FAM184A: variants seen among roughly 807,000 people sequenced by gnomAD.
FAM184A encodes family with sequence similarity 184 member A, also known as protein FAM184A.
Under a neutral mutation model 143.8 loss-of-function variants are expected in FAM184A, and 99 were observed. The ratio of observed to expected loss-of-function variants is 0.69; its 90% CI spans 0.58 to 0.81. FAM184A has a LOEUF of 0.81. FAM184A is among the 40% of genes least tolerant of loss of function. The probability of loss-of-function intolerance (pLI) is 0.00; values close to 1 mark genes in which losing one functional copy is unlikely to be tolerated. For missense variants in FAM184A, 1,217 were observed against 1,310.5 expected, an observed-to-expected ratio of 0.93 and a Z score of 1.10; for synonymous variants, 427 against 446.4, an observed-to-expected ratio of 0.96 and a Z score of 0.55.
At chr6:119,101,551 G>A (rs750883588) in intron 1 of FAM184A, among the ~76,000 whole-genome samples, 46 of 152,120 alleles carry the variant, frequency 3.0e-4, no homozygotes, top group Non-Finnish European at 5.1e-4. Context: ...TCTAATTTTG[G>A]TACTTTTCCC....
At chr6:119,094,516 G>C (rs1281132192) in intron 1 of FAM184A, among the ~76,000 whole-genome samples, 1 of 152,132 alleles carries the variant, frequency 6.6e-6, no homozygotes, top group Non-Finnish European at 1.5e-5. Context: ...TATGCCAGAG[G>C]TTATCAACAC....
intron 9 of FAM184A, among the ~76,000 whole-genome samples, chr6:118,987,399 G>A: frequency 6.6e-6 from 1 of 152,102 alleles, no homozygotes; most frequent in East Asian, 1.9e-4. Flanking sequence ...TAATTTTAAA[G>A]GACAAGTTGA....
intron 1 of FAM184A, among the ~76,000 whole-genome samples, chr6:119,039,669 CTG>C (rs992259065): frequency 3.9e-5 from 6 of 152,164 alleles, no homozygotes; most frequent in African/African-American, 1.2e-4. Context: ...CTAGGCAAGA[CTG>C]GGGCTGGACA....
intron 9 of FAM184A, among the ~76,000 whole-genome samples, chr6:118,984,460 G>A (rs1370589293): frequency 1.3e-5 from 2 of 151,852 alleles, no homozygotes; most frequent in Admixed American, 6.6e-5. Flanking sequence ...TTACAGGCAT[G>A]AGCCACTGTG....
rs1269093008 is a variant in FAM184A, at chr6:119,023,988, C to T, written c.985G>A (p.Ala329Thr). 3 of 1,601,658 alleles carry T rather than the reference C, an allele frequency of 1.9e-6. No homozygotes were observed. Among genetic ancestry groups the T allele is most frequent in the Admixed American group, 3.5e-5 (2 of 56,844 alleles). The change falls in exon 2 of 18, where the codon GCA becomes ACA. Residue 329 changes from alanine to threonine, a missense_variant. Coordinates refer to ENST00000338891, the MANE Select transcript of FAM184A (RefSeq NM_024581.6). ...LLDKCQKLQTALAIAENNVQV... is the reference protein window; with the variant it reads ...LLDKCQKLQTTLAIAENNVQV... ...ACATTGTTCTCTGCTATGGCAAGTG[C>T]CGTCTGAAGCTTTTGGCATTTGTCA...
rs1789304472 is a variant in FAM184A, at chr6:119,124,494, C to A, written c.-202+24584G>T. Among the ~76,000 whole-genome samples the A allele has an allele frequency of 4.6e-5, 7 of 152,210 alleles. 1 individual carries two copies. The South Asian group carries it at 1.5e-3, about 32-fold the overall frequency. ...TAATTGTAATTATAATTTTAAAAATCTACATTTATTTATAAAATTTTACCT... is the reference window on the plus strand; with the variant it reads ...TAATTGTAATTATAATTTTAAAAATATACATTTATTTATAAAATTTTACCT... On this transcript the variant is annotated intron_variant, in intron 1 of 16. Coordinates refer to the FAM184A transcript ENST00000352896.
intron 1 of FAM184A, among the ~76,000 whole-genome samples, chr6:119,044,718 C>T (rs941300907): frequency 1.3e-5 from 2 of 151,792 alleles, no homozygotes; most frequent in Non-Finnish European, 2.9e-5. Context: ...CTTACATGCC[C>T]CAAATAATTT....
chr6:119,043,531 G>T (rs1418722197), intron 1 of FAM184A, among the ~76,000 whole-genome samples: 1 of 152,114 alleles, frequency 6.6e-6, no homozygotes, highest in Non-Finnish European at 1.5e-5. Flanking sequence ...GCCTCCCACT[G>T]CAGGGAAAGC....
At chr6:119,011,172 A>G (rs1785076869) in intron 6 of FAM184A, 137 bp downstream of exon 6, 1 of 682,124 alleles carries the variant, frequency 1.5e-6, no homozygotes. Flanking sequence ...AAAATTCAAC[A>G]CCAATTAAAG....
At chr6:119,112,545 G>A (rs1467832285) in intron 1 of FAM184A, among the ~76,000 whole-genome samples, 3 of 152,204 alleles carry the variant, frequency 2.0e-5, no homozygotes, top group African/African-American at 7.2e-5. Flanking sequence ...AGTTGAATGG[G>A]TTTTAGAGTA....
chr6:119,027,290 T>C (rs1297428381), intron 1 of FAM184A, among the ~76,000 whole-genome samples: 2 of 152,204 alleles, frequency 1.3e-5, no homozygotes, highest in Non-Finnish European at 2.9e-5. Context: ...CTTGCGCATA[T>C]GTTCTCAAGA....
intron 1 of FAM184A, among the ~76,000 whole-genome samples, chr6:119,112,452 AC>A (rs1788957967): frequency 6.6e-6 from 1 of 152,132 alleles, no homozygotes; most frequent in Non-Finnish European, 1.5e-5. Flanking sequence ...TTCAAATTGA[AC>A]GTGCCATGAC....
In FAM184A at chr6:118,974,410, T is replaced by C; in HGVS notation, c.2915+18A>G. ...ATTTATTATCCACATATGAATTTTC[T>C]TATATAATATGACTTACGACACTTG... On this transcript the variant is annotated intron_variant, in intron 14 of 17. Transcript: ENST00000338891. 1 of 1,594,510 alleles carries C rather than the reference T, an allele frequency of 6.3e-7. No homozygotes were observed. Among genetic ancestry groups the C allele is most frequent in the South Asian group, 1.1e-5 (1 of 86,972 alleles).
At chr6:119,002,299 T>A (rs888216907) in intron 9 of FAM184A, among the ~76,000 whole-genome samples, 1 of 152,250 alleles carries the variant, frequency 6.6e-6, no homozygotes, top group African/African-American at 2.4e-5. Context: ...ATGTTAAGAA[T>A]TAATAAATTT....
chr6:119,081,627 G>A (rs185896541), upstream of FAM184A, among the ~76,000 whole-genome samples: 327 of 152,268 alleles, frequency 2.1e-3, 1 homozygote, highest in South Asian at 9.1e-3. Context: ...TGGATCACAC[G>A]TGGGCTTGGA....
At chr6:119,106,587 C>T (rs1196828850) in intron 1 of FAM184A, among the ~76,000 whole-genome samples, 1 of 152,180 alleles carries the variant, frequency 6.6e-6, no homozygotes, top group Admixed American at 6.5e-5. Context: ...AACTAGAGGT[C>T]ATATGAATTA....
At chr6:119,078,888 G>GCTT (rs1479271612), upstream of FAM184A, 1 of 152,972 alleles carries the variant, frequency 6.5e-6, no homozygotes, top group Non-Finnish European at 1.5e-5. The surrounding 1 kb of genome is among the most constrained non-coding windows in gnomAD (Gnocchi z 5.5). Flanking sequence ...TGCCGCCAGT[G>GCTT]CTTCCCCCGT....
chr6:119,130,036 T>C (rs948389945), intron 1 of FAM184A, among the ~76,000 whole-genome samples: 2 of 135,112 alleles, frequency 1.5e-5, no homozygotes, highest in Admixed American at 7.4e-5. Flanking sequence ...GCTCGCAAGG[T>C]TTTAAACATT....
intron 1 of FAM184A, among the ~76,000 whole-genome samples, chr6:119,128,373 T>A (rs1437450384): frequency 1.3e-5 from 2 of 152,050 alleles, no homozygotes; most frequent in Non-Finnish European, 2.9e-5. Flanking sequence ...GGATGAAGGG[T>A]CTGTATGTTT....
Sources: allele counts gnomAD v4.1 joint callset (sites outside exome capture counted in the v4.1 genomes callset), GRCh38; gene constraint gnomAD v4.1.1; non-coding constraint Gnocchi (gnomAD v3.1); transcripts MANE v1.5; gene names NCBI Gene and HGNC (gene_info 2026-07-23, HGNC 2026-07-21).